The following CFAP20DC variants were observed in gnomAD, a reference collection of about 807,000 sequenced individuals.
CFAP20DC encodes the protein CFAP20 domain containing.
In CFAP20DC, 84 loss-of-function variants were observed where a neutral mutation model predicts 101.7. That is an observed-to-expected ratio of 0.83 (90% CI 0.69 to 0.99). CFAP20DC has a LOEUF of 0.99. Ranked by LOEUF, CFAP20DC falls within the 50% of genes least tolerant of loss-of-function variation. CFAP20DC has a pLI of 0.00. For missense variants in CFAP20DC, 1,007 were observed against 970.3 expected (o/e 1.04, Z -0.50); for synonymous variants, 359 against 351.2 (o/e 1.02, Z -0.25).
intron 3 of CFAP20DC, among the ~76,000 whole-genome samples, chr3:58,731,014 A>C (rs1329607735): frequency 3.3e-5 from 5 of 152,180 alleles, no homozygotes. Context: ...TACAGAGCTT[A>C]TTTGTTTATT....
chr3:58,723,916 C>T (rs1221488989), intron 3 of CFAP20DC, among the ~76,000 whole-genome samples: 2 of 152,096 alleles, frequency 1.3e-5, no homozygotes, highest in African/African-American at 2.4e-5. Context: ...AATATATGCC[C>T]GTGAATTCTG....
intron 14 of CFAP20DC, among the ~76,000 whole-genome samples, chr3:58,819,043 T>A (rs1378671327): frequency 6.6e-6 from 1 of 150,524 alleles, no homozygotes; most frequent in Non-Finnish European, 1.5e-5. Flanking sequence ...GAATGACTAC[T>A]GGGTACATAA....
rs957864058 is a variant in CFAP20DC at position 59,001,167 on chromosome 3, A to G, written c.278+38390T>C. 1.2e-4 allele frequency among the ~76,000 whole-genome samples: 18 copies of G among 152,206 alleles called. No individual in the cohort carries two copies. The highest frequency in any genetic ancestry group is 4.3e-4 in the African/African-American group (18 of 41,452). ...GAGAAAGAAAGGAAAGAGACCTAAG[A>G]GATTTAAATCAATGGTAAAATAACA... On this transcript the variant is annotated intron_variant, in intron 4 of 16. Transcript: ENST00000482387. The surrounding 1 kb of genome is among the most constrained non-coding windows in gnomAD (Gnocchi z 4.5).
Position 58,753,805 on chromosome 3 carries a change from G to T in CFAP20DC, c.2296C>A (p.Gln766Lys). 6.2e-7 allele frequency: 1 copy of T among 1,612,730 alleles called. No individual in the cohort carries two copies. The highest frequency in any genetic ancestry group is 1.1e-5 in the South Asian group (1 of 90,866). The change falls in exon 16 of 17, where the codon CAG (glutamine) becomes AAG (lysine). Residue 766 changes from glutamine to lysine, a missense_variant. Gln to Lys is a moderately conservative substitution (Grantham distance 53). Transcript: ENST00000482387. ...AAACTTTCACAGGAATCTGGACGCT[G>T]CTCAGCCGGCTGTTGACTGGGAGGA... ...IVPPSQQPAEQRPDSCESLSV... is the reference protein window; with the variant it reads ...IVPPSQQPAEKRPDSCESLSV...
At chr3:59,013,047 G>C (rs184963805) in intron 4 of CFAP20DC, among the ~76,000 whole-genome samples, 1 of 152,148 alleles carries the variant, frequency 6.6e-6, no homozygotes, top group Admixed American at 6.6e-5. Context: ...TCAGAGGAGA[G>C]AGCAACACAC....
chr3:58,936,775 G>T (rs950779520), intron 5 of CFAP20DC, among the ~76,000 whole-genome samples: 5 of 152,122 alleles, frequency 3.3e-5, no homozygotes. Context: ...GGACTGTTGT[G>T]GGGTTAGGGG....
intron 4 of CFAP20DC, among the ~76,000 whole-genome samples, chr3:58,993,470 G>A (rs1189413859): frequency 6.6e-6 from 1 of 151,894 alleles, no homozygotes; most frequent in Non-Finnish European, 1.5e-5. Context: ...TGCAGAGTGT[G>A]TGTTTGTTAC....
At position 58,795,968 on chromosome 3, in the gene CFAP20DC, C is replaced by A. The variant is rs1485671669; in HGVS notation, c.2237+10427G>T. Among the ~76,000 whole-genome samples the A allele has an allele frequency of 6.6e-6, 1 of 152,084 alleles. No individual in the cohort carries two copies. Among genetic ancestry groups the A allele is most frequent in the Non-Finnish European group, 1.5e-5 (1 of 68,008 alleles). Reference sequence around the variant, plus strand: ...AACTGGAGGGTGGGGTTAGCTGATGCTCAGGCAGGCGGGTCCAGACACGAA... The same window carrying A: ...AACTGGAGGGTGGGGTTAGCTGATGATCAGGCAGGCGGGTCCAGACACGAA... On this transcript the variant is annotated intron_variant, in intron 15 of 16. Coordinates refer to ENST00000482387, the MANE Select transcript of CFAP20DC (RefSeq NM_001394063.1). This position sits in a 1 kb window ranked among gnomAD's most constrained non-coding sequence, Gnocchi z 4.2.
At chr3:59,031,219 T>C (rs1292051467) in intron 4 of CFAP20DC, among the ~76,000 whole-genome samples, 1 of 152,152 alleles carries the variant, frequency 6.6e-6, no homozygotes, top group Non-Finnish European at 1.5e-5. Flanking sequence ...TAATTTTGCA[T>C]AGAAAAAGAG....
chr3:58,917,244 A>G (rs543975707), intron 5 of CFAP20DC, among the ~76,000 whole-genome samples: 5 of 152,288 alleles, frequency 3.3e-5, no homozygotes, highest in South Asian at 4.1e-4. Context: ...CATGTTTGGA[A>G]TATGGCTTTA....
In CFAP20DC at chr3:59,015,338, G is replaced by A. The variant is rs2093666626; in HGVS notation, c.278+24219C>T. Among the ~76,000 whole-genome samples, 1 of 151,846 alleles carries A rather than the reference G, an allele frequency of 6.6e-6. No individual in the cohort carries two copies. The highest frequency in any genetic ancestry group is 2.4e-5 in the African/African-American group (1 of 41,338). ...AAGCAGCTGGAGAGTGATAAGAAAT[G>A]AGAAGGAAAGGAAGAAGGAAAAGAA... On this transcript the variant is annotated intron_variant, in intron 4 of 16. Coordinates refer to ENST00000482387, the MANE Select transcript of CFAP20DC (RefSeq NM_001394063.1). The surrounding 1 kb of genome is among the most constrained non-coding windows in gnomAD (Gnocchi z 5.4).
chr3:58,736,428 A>G (rs956264475), intron 3 of CFAP20DC, among the ~76,000 whole-genome samples: 1 of 152,220 alleles, frequency 6.6e-6, no homozygotes, highest in African/African-American at 2.4e-5. Context: ...TTCTAATCCC[A>G]TTATTAATCT....
intron 6 of CFAP20DC, among the ~76,000 whole-genome samples, chr3:58,906,879 T>C (rs1194112403): frequency 6.6e-6 from 1 of 152,072 alleles, no homozygotes; most frequent in Non-Finnish European, 1.5e-5. Flanking sequence ...CAGTGAGCTG[T>C]GATCACGCCA....
At chr3:58,816,768 C>T (rs530734496) in intron 14 of CFAP20DC, among the ~76,000 whole-genome samples, 2 of 152,242 alleles carry the variant, frequency 1.3e-5, no homozygotes, top group South Asian at 2.1e-4. Context: ...CCAGGAAGCT[C>T]GAACTGGGTG....
chr3:58,719,468 A>G (rs1461527525), intron 3 of CFAP20DC, among the ~76,000 whole-genome samples: 1 of 152,232 alleles, frequency 6.6e-6, no homozygotes, highest in African/African-American at 2.4e-5. Context: ...GAATGAATAA[A>G]ATGCATAGAC....
intron 3 of CFAP20DC, among the ~76,000 whole-genome samples, chr3:59,042,126 T>A (rs1352695587): frequency 6.6e-6 from 1 of 151,984 alleles, no homozygotes; most frequent in Non-Finnish European, 1.5e-5. Flanking sequence ...CTGGGATGAA[T>A]ACACAGGAAT....
In CFAP20DC at chr3:58,861,115, A is replaced by T. The variant is rs934476781; in HGVS notation, c.1593+2443T>A. 1.3e-5 allele frequency: 2 copies of T among 154,420 alleles called. No homozygotes were observed. Among genetic ancestry groups the T allele is most frequent in the Non-Finnish European group, 2.9e-5 (2 of 70,006 alleles). The allele number at this position is 154,420 out of a possible 1,614,324, so 9.6% of individuals were successfully genotyped here. A position where few individuals can be genotyped will look rare whatever the true frequency, so the allele number is the denominator to read the frequency against. On this transcript the variant is annotated intron_variant, in intron 12 of 16. Coordinates refer to ENST00000482387, the MANE Select transcript of CFAP20DC (RefSeq NM_001394063.1). The surrounding 1 kb of genome is among the most constrained non-coding windows in gnomAD (Gnocchi z 4.0). ...GTATTGCTGAAAGCTAATTTTAATT[A>T]GCTTTTACTGTTGTATGGGTACTTG...
Position 58,724,548 on chromosome 3 carries a change from G to A in CFAP20DC, c.198-6920C>T, listed in dbSNP as rs1301937251. On this transcript the variant is annotated intron_variant, in intron 3 of 3. Transcript: ENST00000486145. This position sits in a 1 kb window ranked among gnomAD's most constrained non-coding sequence, Gnocchi z 5.6. ...CTACTCTCCGATAAGTTAAAGATAT[G>A]CTGTTTGAGCACAAAGGAGATTCGT... 3.3e-5 allele frequency among the ~76,000 whole-genome samples: 5 copies of A among 152,314 alleles called. No homozygotes were observed. The highest frequency in any genetic ancestry group is 3.9e-4 in the East Asian group (2 of 5,178).
intron 5 of CFAP20DC, among the ~76,000 whole-genome samples, chr3:58,931,737 C>G (rs2107676327): frequency 6.6e-6 from 1 of 152,174 alleles, no homozygotes; most frequent in East Asian, 1.9e-4. Flanking sequence ...GGAAAACTAA[C>G]AAACAGAAAG....
Sources: gnomAD v4.1 joint callset for allele counts (sites outside exome capture counted in the v4.1 genomes callset) on GRCh38, gnomAD v4.1.1 for gene constraint, Gnocchi (gnomAD v3.1) non-coding constraint, MANE v1.5 for transcripts, NCBI Gene and HGNC (gene_info 2026-07-23, HGNC 2026-07-21) for gene names.